Variants in CC2D2B observed in about 807,000 individuals in gnomAD.
CC2D2B encodes the protein coiled-coil and C2 domain containing 2B.
A neutral mutation model predicts 161.2 loss-of-function variants in CC2D2B; 128 were observed. The ratio of observed to expected loss-of-function variants is 0.79; its 90% CI spans 0.69 to 0.92. CC2D2B has a LOEUF of 0.92. Ranked by LOEUF, CC2D2B falls within the 40% of genes least tolerant of loss-of-function variation. CC2D2B has a pLI of 0.00. For missense variants in CC2D2B, 1,173 were observed against 1,375.1 expected (o/e 0.85, Z 2.32); for synonymous variants, 391 against 449.8 (o/e 0.87, Z 1.65).
At chr10:96,006,622 G>A (rs933941877) in intron 25 of CC2D2B, among the ~76,000 whole-genome samples, 1 of 152,032 alleles carries the variant, frequency 6.6e-6, no homozygotes, top group Non-Finnish European at 1.5e-5. Flanking sequence ...ACAAGATAAG[G>A]GACCCTATTG....
chr10:95,963,184 G>A (rs764088454), intron 12 of CC2D2B, among the ~76,000 whole-genome samples: 2 of 152,112 alleles, frequency 1.3e-5, no homozygotes, highest in Admixed American at 6.5e-5. Context: ...ACCCTAAATT[G>A]GGGCATTTAG....
chr10:95,956,134 T>C (rs2076560548), intron 11 of CC2D2B, among the ~76,000 whole-genome samples: 1 of 152,180 alleles, frequency 6.6e-6, no homozygotes, highest in Non-Finnish European at 1.5e-5. Flanking sequence ...TAACTTAAAG[T>C]AGTCCCAGAT....
At chr10:96,030,303 G>A (rs1247955329) in intron 34 of CC2D2B, among the ~76,000 whole-genome samples, 2 of 151,930 alleles carry the variant, frequency 1.3e-5, no homozygotes, top group East Asian at 3.9e-4. Context: ...TGGGCATCTA[G>A]TATATTGTTA....
intron 21 of CC2D2B, 33 bp from the exon 22 acceptor site, chr10:95,992,494 A>C: frequency 8.1e-7 from 1 of 1,231,718 alleles, no homozygotes; most frequent in South Asian, 4.1e-5. Context: ...AAGAAAACGT[A>C]AATGAGGCTA....
intron 17 of CC2D2B, among the ~76,000 whole-genome samples, chr10:95,976,536 G>A (rs2077319415): frequency 6.6e-6 from 1 of 152,214 alleles, no homozygotes; most frequent in East Asian, 1.9e-4. Context: ...CCACAGTTTT[G>A]TTGTGGCAGC....
In CC2D2B at chr10:95,982,041, T is replaced by C; in HGVS notation, c.2010T>C (p.Leu670=). Residue 670 remains leucine (L), a synonymous_variant, in exon 18 of 35, where the codon CTT becomes CTC. Coordinates refer to ENST00000646931, the MANE Select transcript of CC2D2B (RefSeq NM_001349008.3). ...CATGGCTCATGAATGAACAGAAGCT[T>C]TTTGAATGGGCAAATGAAGTCAGAA... The part of the protein sequence containing the change: ...GIPWLMNEQK[L]FEWANEVRID... 1 of 1,231,228 alleles carries C rather than the reference T, an allele frequency of 8.1e-7. No homozygotes were observed. Among genetic ancestry groups the C allele is most frequent in the South Asian group, 4.1e-5 (1 of 24,298 alleles). 76.3% of individuals were successfully genotyped at this position (1,231,228 alleles called of 1,614,324 possible).
chr10:95,977,850 T>C (rs954788177), intron 17 of CC2D2B, among the ~76,000 whole-genome samples: 3 of 152,202 alleles, frequency 2.0e-5, no homozygotes, highest in Non-Finnish European at 4.4e-5. Context: ...CTTTTCTCTC[T>C]GATAATATTG....
At position 95,924,806 on chromosome 10, in the gene CC2D2B, G is replaced by A. The variant is rs1348768735; in HGVS notation, c.202G>A (p.Glu68Lys). The A allele has an allele frequency of 6.5e-7, 1 of 1,547,364 alleles. No homozygotes were observed. The highest frequency in any genetic ancestry group is 2.5e-5 in the East Asian group (1 of 40,764). ...KINKGEKSST[E>K]QLIDSEIHQR... ...TAATAAAGGTGAAAAATCTTCAACT[G>A]AGCAGCTCATTGATAGCGAAATACA... The change falls in exon 5 of 35, where the codon GAG becomes AAG. Residue 68 changes from glutamate (E) to lysine (K), a missense_variant. Glu to Lys is a moderately conservative substitution (Grantham distance 56). Around this residue, in one of 3 missense-constraint regions of CC2D2B, gnomAD observed 298 missense variants for 261.2 expected, o/e 1.14. Transcript: ENST00000646931.
At chr10:95,947,482 A>G (rs192474487) in intron 9 of CC2D2B, among the ~76,000 whole-genome samples, 2 of 151,740 alleles carry the variant, frequency 1.3e-5, no homozygotes, top group East Asian at 3.9e-4. Context: ...AGTGGCTCAC[A>G]CTTGTAATCC....
chr10:95,991,885 G>C (rs1452771883), intron 21 of CC2D2B, among the ~76,000 whole-genome samples: 2 of 152,188 alleles, frequency 1.3e-5, no homozygotes, highest in Non-Finnish European at 2.9e-5. Context: ...GAGATCCACA[G>C]GCAGCAGTTG....
intron 5 of CC2D2B, among the ~76,000 whole-genome samples, chr10:95,925,731 C>A (rs550043259): frequency 6.6e-6 from 1 of 152,264 alleles, no homozygotes; most frequent in Non-Finnish European, 1.5e-5. Flanking sequence ...AGAGTTTTGC[C>A]ATCTCCAATA....
chr10:95,973,857 G>GT (rs1452837294), intron 16 of CC2D2B, among the ~76,000 whole-genome samples, 152 bp from the exon 17 acceptor site: 2 of 106,256 alleles, frequency 1.9e-5, no homozygotes, highest in Non-Finnish European at 3.7e-5. Flanking sequence ...GCAAAACTCT[G>GT]TCTCAAAAAA....
At chr10:96,024,620 C>G (rs192567963) in intron 32 of CC2D2B, among the ~76,000 whole-genome samples, 67 of 152,294 alleles carry the variant, frequency 4.4e-4, no homozygotes, top group African/African-American at 1.4e-3. Context: ...GGCGCCAGGT[C>G]TGTTTTACCC....
intron 10 of CC2D2B, among the ~76,000 whole-genome samples, chr10:95,953,540 T>C (rs1340523157): frequency 1.3e-5 from 2 of 152,212 alleles, no homozygotes; most frequent in African/African-American, 4.8e-5. Context: ...CTGTTCATCT[T>C]TTCCCTTGTG....
In CC2D2B at chr10:95,981,995, C is replaced by T; in HGVS notation, c.1964C>T (p.Ala655Val). 1 of 1,229,942 alleles carries T rather than the reference C, an allele frequency of 8.1e-7. No individual in the cohort carries two copies. Among genetic ancestry groups the T allele is most frequent in the Non-Finnish European group, 1.0e-6 (1 of 986,158 alleles). 76.2% of individuals were successfully genotyped at this position (1,229,942 alleles called of 1,614,324 possible). Residue 655 changes from alanine (A) to valine (V), a missense_variant, in exon 18 of 35, where the codon GCA becomes GTA. By Grantham distance (64) the Ala-to-Val change is moderately conservative. Around this residue, in one of 3 missense-constraint regions of CC2D2B, gnomAD observed 277 missense variants for 420.6 expected, o/e 0.66. Transcript: ENST00000646931. Reference sequence around the variant, plus strand: ...GTTAGTATGTTAAGGAATGTAGATGCAAGAAGTGTTCCTGGAATTCCATGG... The same window carrying T: ...GTTAGTATGTTAAGGAATGTAGATGTAAGAAGTGTTCCTGGAATTCCATGG... ...SYCSMLRNVD[A>V]RSVPGIPWLM...
chr10:95,916,935 AT>A (rs35330524), intron 2 of CC2D2B, among the ~76,000 whole-genome samples: 42,597 of 151,410 alleles, frequency 0.28, 6,559 homozygotes, highest in African/African-American at 0.41. Context: ...AAGGTCTGAT[AT>A]TTTTTGGTTG....
intron 9 of CC2D2B, among the ~76,000 whole-genome samples, chr10:95,944,400 T>C (rs867152446): frequency 6.6e-6 from 1 of 152,144 alleles, no homozygotes; most frequent in South Asian, 2.1e-4. Context: ...ACCATTAAAA[T>C]ATAAAAACAT....
chr10:95,974,291 T>C (rs1164745492), intron 17 of CC2D2B, 135 bp downstream of exon 17: 8 of 432,002 alleles, frequency 1.9e-5, no homozygotes, highest in African/African-American at 1.0e-4. Context: ...TTATCTTTTA[T>C]TTAAATCACT....
intron 6 of CC2D2B, among the ~76,000 whole-genome samples, chr10:95,932,702 T>C (rs2075652701): frequency 6.6e-6 from 1 of 152,216 alleles, no homozygotes; most frequent in East Asian, 1.9e-4. Context: ...ATGTTGAATA[T>C]TGGCCCCCAC....
Sources: allele counts gnomAD v4.1 joint callset (sites outside exome capture counted in the v4.1 genomes callset), GRCh38; gene constraint gnomAD v4.1.1; regional missense constraint gnomAD v4.1.1; transcripts MANE v1.5; gene names NCBI Gene and HGNC (gene_info 2026-07-23, HGNC 2026-07-21).